The following PRPS2 variants were observed in gnomAD, a reference collection of about 807,000 sequenced individuals.
The protein encoded by PRPS2 is phosphoribosyl pyrophosphate synthetase 2, also known as ribose-phosphate pyrophosphokinase 2.
For synonymous variants in PRPS2, 111 were observed against 115.3 expected, an observed-to-expected ratio of 0.96 and a Z score of 0.24; for missense variants, 104 against 271.5, an observed-to-expected ratio of 0.38 and a Z score of 4.34.
rs138876331 is a variant in PRPS2, at chrX:12,812,050, C to T, written c.530+1904C>T. The stretch of plus-strand genomic sequence containing the variant: ...CTGTGTCACGTAGCCTATTACTGTA[C>T]GGTGTGTAATGTTCACAAAAATGCC... On this transcript the variant is annotated intron_variant, in intron 4 of 6. Transcript: ENST00000380668. Among the ~76,000 whole-genome samples, 353 of 112,086 alleles carry T rather than the reference C, an allele frequency of 3.1e-3. 1 individual carries two copies. Among genetic ancestry groups the T allele is most frequent in the African/African-American group, 0.01 (318 of 30,867 alleles).
At chrX:12,805,131 G>A (rs2042587391) in intron 2 of PRPS2, among the ~76,000 whole-genome samples, 1 of 111,935 alleles carries the variant, frequency 8.9e-6, no homozygotes, top group Admixed American at 9.5e-5. Flanking sequence ...TGAAGGAATG[G>A]TTTCATAAAT....
chrX:12,800,208 G>A (rs777033776), intron 2 of PRPS2, among the ~76,000 whole-genome samples: 168 of 111,772 alleles, frequency 1.5e-3, no homozygotes, highest in Middle Eastern at 4.6e-3. Flanking sequence ...GCAGGGGCAC[G>A]CTCCCTCTGA....
intron 1 of PRPS2, among the ~76,000 whole-genome samples, chrX:12,793,524 C>T (rs972641078): frequency 4.4e-5 from 5 of 112,832 alleles, no homozygotes; most frequent in African/African-American, 1.6e-4. Context: ...GCCTATATAG[C>T]TACATTTTAT....
rs780894769 is a variant in PRPS2, at chrX:12,823,987, C to A, written c.*1191C>A. On this transcript the variant is annotated 3_prime_UTR_variant, in exon 7 of 7. Transcript: ENST00000380668. ...GGGGGTGGACCTGGCATTTATCTGG[C>A]CAAAAACAGGAGCCAGAGAAATATG... 8.9e-6 allele frequency: 1 copy of A among 112,205 alleles called. No individual in the cohort carries two copies. The highest frequency in any genetic ancestry group is 1.9e-5 in the Non-Finnish European group (1 of 53,220). The allele number at this position is 112,205 out of a possible 1,213,427, so 9.2% of individuals were successfully genotyped here.
At chrX:12,792,212 C>A (rs1377628116) in intron 1 of PRPS2, among the ~76,000 whole-genome samples, 1 of 112,466 alleles carries the variant, frequency 8.9e-6, no homozygotes, top group Non-Finnish European at 1.9e-5. Flanking sequence ...GGAGGATCAG[C>A]GATTTTACAA....
chrX:12,807,362 C>G (rs2042598867), intron 2 of PRPS2, among the ~76,000 whole-genome samples: 1 of 112,438 alleles, frequency 8.9e-6, no homozygotes, highest in Admixed American at 9.4e-5. Flanking sequence ...ATCACATTGG[C>G]AACACCTGAA....
chrX:12,819,157 C>A (rs891171778), intron 4 of PRPS2, among the ~76,000 whole-genome samples: 2 of 112,833 alleles, frequency 1.8e-5, no homozygotes, highest in Non-Finnish European at 3.7e-5. Context: ...ACAAACTGGG[C>A]AAATAGTAGT....
chrX:12,824,206 C>T lies in PRPS2; in HGVS notation c.*1410C>T, dbSNP rs1602419169. ...CTGTACTAAAACATTTCAATAAAAT[C>T]ATTCTGACTGCGTTCATAGTTTGTA... is the stretch of plus-strand genomic sequence containing the variant. On this transcript the variant is annotated 3_prime_UTR_variant, in exon 7 of 7. Coordinates refer to ENST00000380668, the MANE Select transcript of PRPS2 (RefSeq NM_002765.5). 8.9e-6 allele frequency: 1 copy of T among 112,712 alleles called. No individual in the cohort carries two copies. The highest frequency in any genetic ancestry group is 3.6e-4 in the South Asian group (1 of 2,749). 9.3% of individuals were successfully genotyped at this position (112,712 alleles called of 1,213,427 possible).
At chrX:12,796,039 T>G (rs1358903980) in intron 1 of PRPS2, among the ~76,000 whole-genome samples, 4 of 111,329 alleles carry the variant, frequency 3.6e-5, no homozygotes, top group Non-Finnish European at 1.9e-5. Flanking sequence ...TTATTTTTAT[T>G]TTCCTTTTCT....
At chrX:12,807,409 C>T (rs1349029707) in intron 2 of PRPS2, among the ~76,000 whole-genome samples, 1 of 112,424 alleles carries the variant, frequency 8.9e-6, no homozygotes, top group Non-Finnish European at 1.9e-5. Context: ...GTAACTGATT[C>T]GACAATTGTA....
intron 1 of PRPS2, among the ~76,000 whole-genome samples, chrX:12,794,342 C>A (rs1044503038): frequency 2.7e-5 from 3 of 111,611 alleles, no homozygotes; most frequent in Non-Finnish European, 5.6e-5. Context: ...GCTTGAGCTT[C>A]CTTACAGCAT....
At chrX:12,806,203 G>A (rs2042592973) in intron 2 of PRPS2, among the ~76,000 whole-genome samples, 1 of 111,497 alleles carries the variant, frequency 9.0e-6, no homozygotes, top group Non-Finnish European at 1.9e-5. Context: ...TCAAGATCAT[G>A]TTCTGTTTTC....
chrX:12,819,605 A>C lies in PRPS2; in HGVS notation c.629A>C (p.Asp210Ala), dbSNP rs1569098296. 1 of 1,211,806 alleles carries C rather than the reference A, an allele frequency of 8.3e-7. No individual in the cohort carries two copies. The highest frequency in any genetic ancestry group is 1.1e-6 in the Non-Finnish European group (1 of 895,439). The change falls in exon 5 of 7, where the codon GAC becomes GCC. Residue 210 changes from aspartate to alanine, a missense_variant. Asp to Ala is a moderately radical substitution (Grantham distance 126, BLOSUM62 -2). Coordinates refer to ENST00000380668, the MANE Select transcript of PRPS2 (RefSeq NM_002765.5). ...NEVDRMVLVG[D>A]VKDRVAILVD... ...GTGGACCGGATGGTCCTGGTGGGCGACGTGAAGGACCGTGTGGCCATCCTC... is the reference window on the plus strand; with the variant it reads ...GTGGACCGGATGGTCCTGGTGGGCGCCGTGAAGGACCGTGTGGCCATCCTC...
At chrX:12,812,259 C>T (rs886436064) in intron 4 of PRPS2, among the ~76,000 whole-genome samples, 22 of 112,010 alleles carry the variant, frequency 2.0e-4, no homozygotes, top group African/African-American at 7.1e-4. Flanking sequence ...GCAAAGAATC[C>T]AGCCAAAGGG....
chrX:12,819,437 C>G, intron 4 of PRPS2, 70 bp from the exon 5 acceptor site: 1 of 1,117,275 alleles, frequency 9.0e-7, no homozygotes, highest in Non-Finnish European at 1.2e-6. Context: ...CTGCTACATT[C>G]CCAAAATACA....
chrX:12,791,677 C>G (rs1602406666), intron 1 of PRPS2, 58 bp downstream of exon 1: 1 of 893,782 alleles, frequency 1.1e-6, no homozygotes, highest in Non-Finnish European at 1.4e-6. Flanking sequence ...GCTGCGGGGC[C>G]GGGTTGGGGG....
At chrX:12,791,680 G>T (rs1483915696) in intron 1 of PRPS2, 61 bp downstream of exon 1, 4 of 882,925 alleles carry the variant, frequency 4.5e-6, no homozygotes, top group Non-Finnish European at 5.6e-6. Context: ...GCGGGGCCGG[G>T]TTGGGGGCCG....
chrX:12,817,792 A>C (rs2042655968), intron 4 of PRPS2, among the ~76,000 whole-genome samples: 1 of 111,868 alleles, frequency 8.9e-6, no homozygotes, highest in Admixed American at 9.5e-5. Context: ...TAATTGAAAG[A>C]GGCCAGACAC....
chrX:12,808,880 C>T lies in PRPS2; in HGVS notation c.307-354C>T, dbSNP rs1212740429. 4.5e-5 allele frequency among the ~76,000 whole-genome samples: 5 copies of T among 111,247 alleles called. No individual in the cohort carries two copies. In the South Asian group the frequency reaches 1.2e-3, roughly 26 times the overall value. On this transcript the variant is annotated intron_variant, in intron 2 of 6. Transcript: ENST00000380668. ...AATGATCTTGTTTAAACTTTATGCC[C>T]TTCCTACTACTATCATCTCTCTCTC...
Sources: gnomAD v4.1 joint callset for allele counts (sites outside exome capture counted in the v4.1 genomes callset) on GRCh38, gnomAD v4.1.1 for gene constraint, MANE v1.5 for transcripts, NCBI Gene and HGNC (gene_info 2026-07-23, HGNC 2026-07-21) for gene names.